CCDC148: variants seen among roughly 807,000 people sequenced by gnomAD.
CCDC148 encodes coiled-coil domain-containing protein 148.
In CCDC148, 89 loss-of-function variants were observed where a neutral mutation model predicts 85.7. The observed-to-expected ratio is 1.04, with a 90% CI of 0.87 to 1.24. The LOEUF is 1.24. Ranked by LOEUF, CCDC148 falls within the 50% of genes most tolerant of loss-of-function variation. The pLI, the probability that CCDC148 is intolerant of heterozygous loss-of-function variation, is 0.00. For missense variants in CCDC148, 692 were observed against 671.7 expected (o/e 1.03, Z -0.33); for synonymous variants, 230 against 213.9 (o/e 1.08, Z -0.66).
chr2:158,215,348 T>G (rs1168683426), intron 11 of CCDC148, among the ~76,000 whole-genome samples: 2 of 152,136 alleles, frequency 1.3e-5, no homozygotes, highest in Non-Finnish European at 2.9e-5. Flanking sequence ...AGAGATACCA[T>G]GTATCATTTT....
chr2:158,179,954 C>T (rs1684808501), intron 11 of CCDC148, among the ~76,000 whole-genome samples: 1 of 152,172 alleles, frequency 6.6e-6, no homozygotes, highest in Non-Finnish European at 1.5e-5. Flanking sequence ...AAGCCCTGAG[C>T]TCCTTGGCCC....
chr2:158,332,369 G>A (rs192722962), intron 7 of CCDC148, among the ~76,000 whole-genome samples: 1 of 150,282 alleles, frequency 6.7e-6, no homozygotes, highest in East Asian at 2.0e-4. Context: ...TTTCTGCCGA[G>A]AGATCAGCTG....
At chr2:158,331,574 G>A (rs1574636071) in intron 7 of CCDC148, among the ~76,000 whole-genome samples, 1 of 150,810 alleles carries the variant, frequency 6.6e-6, no homozygotes, top group African/African-American at 2.5e-5. Context: ...TTGACTTTCT[G>A]TCTCCTTGAT....
intron 10 of CCDC148, among the ~76,000 whole-genome samples, chr2:158,238,464 T>G (rs763462998): frequency 7.9e-5 from 12 of 152,128 alleles, no homozygotes; most frequent in Non-Finnish European, 1.5e-4. Flanking sequence ...CCAAAATCAT[T>G]ACATTTTCTT....
intron 9 of CCDC148, among the ~76,000 whole-genome samples, chr2:158,262,019 T>C (rs932353025): frequency 6.6e-6 from 1 of 151,848 alleles, no homozygotes; most frequent in Non-Finnish European, 1.5e-5. Context: ...ACTGGGTATA[T>C]AGAGGAATAT....
rs1477239253 is a variant in CCDC148 at position 158,355,889 on chromosome 2, T to C, written c.147+2560A>G. On this transcript the variant is annotated intron_variant, in intron 2 of 13. Transcript: ENST00000283233. ...ACTGGTACCAAAACAGAGATATAGA[T>C]CAATGGAACAGAACAGAGCCCTCAG... Among the ~76,000 whole-genome samples, 806 of 130,604 alleles carry C rather than the reference T, an allele frequency of 6.2e-3. 51 individuals carry two copies. Among genetic ancestry groups the C allele is most frequent in the African/African-American group, 0.027 (758 of 28,036 alleles). The allele number at this position is 130,604 out of a possible 152,430, so 85.7% of individuals were successfully genotyped here.
At chr2:158,374,681 ATATATATGTG>A (rs1168030664) in intron 1 of CCDC148, among the ~76,000 whole-genome samples, 11 of 133,510 alleles carry the variant, frequency 8.2e-5, no homozygotes, top group Non-Finnish European at 1.6e-4. Context: ...ATATATATAC[ATATATATGTG>A]TATATATGTG....
chr2:158,326,363 T>C (rs908113581), intron 7 of CCDC148, among the ~76,000 whole-genome samples: 1 of 152,188 alleles, frequency 6.6e-6, no homozygotes, highest in Non-Finnish European at 1.5e-5. Flanking sequence ...TCTCTCTTAC[T>C]TTGTATTTTT....
At chr2:158,320,121 G>A (rs1312389835) in intron 7 of CCDC148, among the ~76,000 whole-genome samples, 1 of 152,078 alleles carries the variant, frequency 6.6e-6, no homozygotes, top group Non-Finnish European at 1.5e-5. Context: ...AAAAGCAAGA[G>A]TAATAAAATT....
chr2:158,212,938 G>T (rs1206176108), intron 11 of CCDC148, among the ~76,000 whole-genome samples: 1 of 152,180 alleles, frequency 6.6e-6, no homozygotes. Context: ...CCCAGTAGGT[G>T]ACTTTGGGCC....
At chr2:158,377,389 T>C (rs902405702) in intron 1 of CCDC148, among the ~76,000 whole-genome samples, 6 of 150,920 alleles carry the variant, frequency 4.0e-5, no homozygotes, top group African/African-American at 1.5e-4. Context: ...TGTTTCAAAA[T>C]ATAATGGTCA....
chr2:158,177,105 T>A (rs1684628997), intron 12 of CCDC148, among the ~76,000 whole-genome samples: 1 of 151,990 alleles, frequency 6.6e-6, no homozygotes. Flanking sequence ...CTGATTGAAC[T>A]GGATCTAGAG....
intron 1 of CCDC148, among the ~76,000 whole-genome samples, chr2:158,417,177 C>T (rs990908118): frequency 2.0e-5 from 3 of 152,210 alleles, no homozygotes; most frequent in Non-Finnish European, 4.4e-5. Context: ...GAGATTTGGG[C>T]AGGGACACAA....
chr2:158,221,979 T>C (rs1178143834), intron 10 of CCDC148, among the ~76,000 whole-genome samples: 2 of 152,194 alleles, frequency 1.3e-5, no homozygotes, highest in African/African-American at 2.4e-5. Context: ...GGGAATTCTA[T>C]TAATGACAGA....
intron 1 of CCDC148, among the ~76,000 whole-genome samples, chr2:158,417,094 G>T (rs1440069292): frequency 6.6e-6 from 1 of 152,096 alleles, no homozygotes; most frequent in Non-Finnish European, 1.5e-5. Flanking sequence ...ACAGCAAGGG[G>T]GAATTCCACC....
intron 11 of CCDC148, among the ~76,000 whole-genome samples, chr2:158,219,595 C>G (rs1038829522): frequency 6.6e-6 from 1 of 152,168 alleles, no homozygotes; most frequent in Non-Finnish European, 1.5e-5. Context: ...AATGGCACAC[C>G]CATGGTCAGT....
intron 1 of CCDC148, among the ~76,000 whole-genome samples, chr2:158,430,346 A>C (rs1687291777): frequency 6.6e-6 from 1 of 152,192 alleles, no homozygotes; most frequent in African/African-American, 2.4e-5. Flanking sequence ...TGCCAAAACA[A>C]GGCCAAAAAC....
intron 13 of CCDC148, among the ~76,000 whole-genome samples, 187 bp from the exon 14 acceptor site, chr2:158,172,446 C>T (rs189035862): frequency 6.6e-6 from 1 of 152,034 alleles, no homozygotes; most frequent in Admixed American, 6.6e-5. Context: ...CTTTTCAGTA[C>T]ATCAGTGGTT....
At chr2:158,177,069 C>T (rs2105259190) in intron 12 of CCDC148, among the ~76,000 whole-genome samples, 1 of 151,790 alleles carries the variant, frequency 6.6e-6, no homozygotes, top group East Asian at 1.9e-4. Flanking sequence ...GGTAACAACC[C>T]CATGAAGTTT....
Sources: allele counts gnomAD v4.1 joint callset (sites outside exome capture counted in the v4.1 genomes callset), GRCh38; gene constraint gnomAD v4.1.1; transcripts MANE v1.5; gene names NCBI Gene and HGNC (gene_info 2026-07-23, HGNC 2026-07-21).